Variants in PSG9 observed in about 807,000 individuals in gnomAD.
PSG9 encodes the protein pregnancy-specific beta-1-glycoprotein 9.
PSG9 carries 49 observed loss-of-function variants against 41.9 expected under a neutral mutation model. The ratio of observed to expected loss-of-function variants is 1.17; its 90% confidence interval spans 0.93 to 1.48. The LOEUF is 1.48. Ranked by LOEUF, PSG9 falls within the 40% of genes most tolerant of loss-of-function variation. The probability of loss-of-function intolerance (pLI) is 0.00; values close to 1 mark genes in which losing one functional copy is unlikely to be tolerated. For missense variants in PSG9, 641 were observed against 520.3 expected (o/e 1.23, Z -2.26); for synonymous variants, 263 against 196.8 (o/e 1.34, Z -2.82).
chr19:43,257,540 G>A, intron 5 of PSG9: 6 of 979,958 alleles, frequency 6.1e-6, no homozygotes, highest in Non-Finnish European at 7.2e-6. Flanking sequence ...CGCAGCTCAG[G>A]AGTCTGCCCT....
intron 3 of PSG9, chr19:43,259,553 T>C: frequency 4.9e-6 from 1 of 205,644 alleles, no homozygotes; most frequent in Admixed American, 5.3e-5. Flanking sequence ...GCAGCTTCCA[T>C]TTCTAAGGAT....
chr19:43,260,413 A>G lies in PSG9; in HGVS notation c.710-1278T>C, dbSNP rs955703314. 4 of 147,926 alleles carry G rather than the reference A, an allele frequency of 2.7e-5. 1 individual carries two copies. Among genetic ancestry groups the G allele is most frequent in the Non-Finnish European group, 5.9e-5 (4 of 67,568 alleles). 9.2% of individuals were successfully genotyped at this position (147,926 alleles called of 1,614,324 possible). ...CCCAAATCTGAAAGATTCAAAATCT[A>G]AAATGCTTCAGTGAGCATTTCTTTT... On this transcript the variant is annotated intron_variant, in intron 3 of 5. Coordinates refer to ENST00000270077, the MANE Select transcript of PSG9 (RefSeq NM_002784.5).
chr19:43,254,109 T>A lies in PSG9; in HGVS notation c.1244-463A>T, dbSNP rs1261556946. On this transcript the variant is annotated intron_variant, in intron 5 of 5. Coordinates refer to ENST00000270077, the MANE Select transcript of PSG9 (RefSeq NM_002784.5). Reference sequence around the variant, plus strand: ...GTTTTATGTGTTACCTCTTTTTCCATATATATGGAAAAAGGTAGGTACTGT... The same window carrying A: ...GTTTTATGTGTTACCTCTTTTTCCAAATATATGGAAAAAGGTAGGTACTGT... Among the ~76,000 whole-genome samples the A allele has an allele frequency of 1.4e-5, 2 of 145,806 alleles. 1 individual carries two copies. Among genetic ancestry groups the A allele is most frequent in the Non-Finnish European group, 3.0e-5 (2 of 67,230 alleles).
chr19:43,254,160 C>T (rs961675809), intron 5 of PSG9, among the ~76,000 whole-genome samples: 1 of 145,800 alleles, frequency 6.9e-6, no homozygotes, highest in Admixed American at 6.8e-5. Context: ...ATGTGCCAGG[C>T]CCTGTGCTCA....
rs757123658 is a variant in PSG9 at position 43,258,437 on chromosome 19, T to G, written c.1008A>C (p.Arg336Ser). 22 of 1,578,924 alleles carry G rather than the reference T, an allele frequency of 1.4e-5. 4 individuals are homozygous for G. The highest frequency in any genetic ancestry group is 1.1e-4 in the East Asian group (4 of 37,472). Residue 336 changes from arginine to serine, a missense_variant, in exon 5 of 6, where the codon AGA (arginine) becomes AGC (serine). Physicochemically the swap from Arg to Ser is moderately radical, Grantham distance 110. Transcript: ENST00000270077. ...GGTAATAGGTGAATGAAGGGTAAAT[T>G]CTGGGGAGGTCTGGACCATCTGGAG... Reference protein sequence around the residue: ...LNVLYGPDLPRIYPSFTYYRS... With the variant: ...LNVLYGPDLPSIYPSFTYYRS...
Position 43,267,773 on chromosome 19 carries a change from G to C in PSG9, c.430+11C>G, listed in dbSNP as rs766979990. ...CCCCCCAACACCCAGGGATCATGTG[G>C]AATCACTCACAGTATAAGGTGAAGG... On this transcript the variant is annotated intron_variant, in intron 2 of 5. Coordinates refer to ENST00000270077, the MANE Select transcript of PSG9 (RefSeq NM_002784.5). 1 of 1,612,516 alleles carries C rather than the reference G, an allele frequency of 6.2e-7. No individual in the cohort carries two copies. Among genetic ancestry groups the C allele is most frequent in the Non-Finnish European group, 8.5e-7 (1 of 1,179,128 alleles).
chr19:43,267,226 T>C (rs1209885963), intron 2 of PSG9, among the ~76,000 whole-genome samples: 1 of 152,120 alleles, frequency 6.6e-6, no homozygotes, highest in Non-Finnish European at 1.5e-5. Context: ...CTTGCCCAGA[T>C]GAGACTCTGA....
intron 3 of PSG9, among the ~76,000 whole-genome samples, chr19:43,261,278 A>AC (rs11454259): frequency 0.72 from 108,636 of 151,712 alleles, 39,659 homozygotes; most frequent in East Asian, 0.95. Flanking sequence ...ACAGACATAG[A>AC]CCCTCTATAT....
Position 43,255,799 on chromosome 19 carries a change from A to G in PSG9, c.1244-2153T>C, listed in dbSNP as rs1319025918. ...AATATTTAGGAATAAGTTTAATCAA[A>G]GAGGTGAAATGATTATACCTGAAAT... On this transcript the variant is annotated intron_variant, in intron 5 of 5. Transcript: ENST00000270077. Among the ~76,000 whole-genome samples the G allele has an allele frequency of 4.8e-5, 7 of 146,780 alleles. 2 individuals are homozygous for G. The highest frequency in any genetic ancestry group is 1.0e-4 in the Non-Finnish European group (7 of 67,416).
chr19:43,257,909 G>A (rs1238384898), intron 5 of PSG9: 3 of 1,406,330 alleles, frequency 2.1e-6, no homozygotes, highest in Non-Finnish European at 2.8e-6. Flanking sequence ...TTGATCTTGA[G>A]GACTCTCCTT....
At chr19:43,263,204 T>C (rs549273401) in intron 2 of PSG9, among the ~76,000 whole-genome samples, 17 of 152,084 alleles carry the variant, frequency 1.1e-4, no homozygotes, top group Admixed American at 7.9e-4. Context: ...GGGAATAGGG[T>C]GTTGTTCCGT....
intron 1 of PSG9, among the ~76,000 whole-genome samples, chr19:43,269,067 G>C (rs113299216): frequency 2.6e-5 from 4 of 151,702 alleles, no homozygotes; most frequent in South Asian, 2.1e-4. Context: ...TGCAGTGGCG[G>C]TATCTCGGCT....
chr19:43,253,553 T>A lies in PSG9; in HGVS notation c.*56A>T. 1.5e-6 allele frequency: 1 copy of A among 662,648 alleles called. No homozygotes were observed. The highest frequency in any genetic ancestry group is 2.7e-6 in the Non-Finnish European group (1 of 371,372). The allele number at this position is 662,648 out of a possible 1,614,324, so 41.0% of individuals were successfully genotyped here. ...ACATTGAGTTTTTTTCTTCTTTGTC[T>A]TGAATTTCATGAAGGTATCAGCCTG... On this transcript the variant is annotated 3_prime_UTR_variant, in exon 6 of 6. Transcript: ENST00000270077.
At chr19:43,263,472 CTTTTGAGCA>C (rs2122540819) in intron 2 of PSG9, among the ~76,000 whole-genome samples, 1 of 151,994 alleles carries the variant, frequency 6.6e-6, no homozygotes, top group African/African-American at 2.4e-5. Flanking sequence ...GAAGTGTTGA[CTTTTGAGCA>C]TTTCAGATTG....
Position 43,269,427 on chromosome 19 carries a change from C to G in PSG9, c.5G>C (p.Gly2Ala), listed in dbSNP as rs774569354. The change falls in exon 1 of 6, where the codon GGG (glycine) becomes GCG (alanine). Residue 2 changes from glycine to alanine, a missense_variant. Transcript: ENST00000270077. MGPLPAPSCTQR... is the reference protein window; with the variant it reads MAPLPAPSCTQR... ...TGTGCAGGAAGGGGCTGGGAGGGGC[C>G]CCATGGTCTCTGCTGCCTGTGTGTT... The G allele has an allele frequency of 6.2e-7, 1 of 1,613,556 alleles. No homozygotes were observed. The highest frequency in any genetic ancestry group is 2.2e-5 in the East Asian group (1 of 44,838).
chr19:43,265,510 G>A (rs750175148), intron 2 of PSG9, among the ~76,000 whole-genome samples: 9 of 151,910 alleles, frequency 5.9e-5, no homozygotes, highest in South Asian at 2.1e-4. Flanking sequence ...ATTTCCCTCC[G>A]GCCGCATGAT....
rs751408110 is a variant in PSG9 at position 43,267,836 on chromosome 19, C to T, written c.378G>A (p.Lys126=). The T allele has an allele frequency of 3.7e-6, 6 of 1,613,456 alleles. No individual in the cohort carries two copies. The highest frequency in any genetic ancestry group is 1.1e-5 in the South Asian group (1 of 91,042). The part of the protein sequence containing the change: ...DAGTYTLHII[K]RGDETREEIR... ...TTTCTTCTCTAGTCTCATCACCTCG[C>T]TTTATGATGTGTAAGGTGTAGGTTC... The change falls in exon 2 of 6, where the codon AAG becomes AAA. Residue 126 remains lysine, a synonymous_variant. Transcript: ENST00000270077.
intron 2 of PSG9, among the ~76,000 whole-genome samples, chr19:43,263,691 T>C (rs1968835002): frequency 6.6e-6 from 1 of 152,086 alleles, no homozygotes; most frequent in Admixed American, 6.6e-5. Context: ...GGTAGTAGTA[T>C]TTCTCTTGAG....
chr19:43,264,978 C>A (rs1183006536), intron 2 of PSG9, among the ~76,000 whole-genome samples: 1 of 152,094 alleles, frequency 6.6e-6, no homozygotes, highest in Non-Finnish European at 1.5e-5. Flanking sequence ...CCTCTCCAGC[C>A]TCTGACACCC....
Sources: gnomAD v4.1 joint callset for allele counts (sites outside exome capture counted in the v4.1 genomes callset) on GRCh38, gnomAD v4.1.1 for gene constraint, MANE v1.5 for transcripts, NCBI Gene and HGNC (gene_info 2026-07-23, HGNC 2026-07-21) for gene names.